Variants in SRRM4 observed in about 807,000 individuals in gnomAD.
SRRM4 encodes the protein serine/arginine repetitive matrix protein 4.
SRRM4 carries 33 observed loss-of-function variants against 68.9 expected under a neutral mutation model. The ratio of observed to expected loss-of-function variants is 0.48; its 90% CI spans 0.36 to 0.64. SRRM4 has a LOEUF of 0.64. Among genes scored for constraint, SRRM4 ranks in the 30% least tolerant of loss-of-function variants. The pLI is 0.00. For missense variants in SRRM4, 817 were observed against 827.1 expected, an observed-to-expected ratio of 0.99 and a Z score of 0.15; for synonymous variants, 318 against 318.8, an observed-to-expected ratio of 1.00 and a Z score of 0.03.
chr12:119,147,242 A>G (rs768736615), intron 9 of SRRM4, among the ~76,000 whole-genome samples: 8 of 152,206 alleles, frequency 5.3e-5, no homozygotes, highest in African/African-American at 1.7e-4. Context: ...CTCCAACTGT[A>G]TGACATTCTG....
chr12:119,081,016 A>C (rs964254065), intron 1 of SRRM4, among the ~76,000 whole-genome samples: 3 of 152,194 alleles, frequency 2.0e-5, no homozygotes, highest in African/African-American at 7.2e-5. Flanking sequence ...TCATAGAAGG[A>C]ATTTGGAATC....
chr12:119,044,268 T>C (rs1289722196), intron 1 of SRRM4, among the ~76,000 whole-genome samples: 1 of 152,324 alleles, frequency 6.6e-6, no homozygotes, highest in East Asian at 1.9e-4. Context: ...TGCTAGTCCC[T>C]CCCCAAGCCT....
chr12:119,140,793 A>AG (rs1307837486), intron 8 of SRRM4, among the ~76,000 whole-genome samples: 13 of 152,240 alleles, frequency 8.5e-5, no homozygotes, highest in Admixed American at 2.6e-4. Flanking sequence ...GCTTTCTCCC[A>AG]GGGTCCTCGG....
At chr12:118,999,197 A>G (rs1009411985) in intron 1 of SRRM4, among the ~76,000 whole-genome samples, 1 of 152,274 alleles carries the variant, frequency 6.6e-6, no homozygotes, top group Non-Finnish European at 1.5e-5. Context: ...GGCACATTTC[A>G]TGGTACCATC....
chr12:119,093,763 A>G (rs1042902131), intron 1 of SRRM4, among the ~76,000 whole-genome samples: 6 of 152,178 alleles, frequency 3.9e-5, no homozygotes, highest in Non-Finnish European at 7.3e-5. Flanking sequence ...GTGGAAAACT[A>G]TGACATTTTG....
At chr12:119,106,674 T>C (rs182373252) in intron 2 of SRRM4, among the ~76,000 whole-genome samples, 1 of 152,356 alleles carries the variant, frequency 6.6e-6, no homozygotes, top group African/African-American at 2.4e-5. Context: ...CCCGAGACTT[T>C]GCTAAAGTTG....
In SRRM4 at chr12:119,125,444, G is replaced by A. The variant is rs374628466; in HGVS notation, c.579G>A (p.Gln193=). 6.2e-7 allele frequency: 1 copy of A among 1,613,008 alleles called. No homozygotes were observed. The highest frequency in any genetic ancestry group is 8.5e-7 in the Non-Finnish European group (1 of 1,179,656). Residue 193 remains glutamine, a synonymous_variant, in exon 7 of 13, where the codon CAG becomes CAA. Transcript: ENST00000267260. ...HRHHRCPSRS[Q]SSESRPSSCE... ...ATCACCGCTGCCCCTCGCGGTCCCA[G>A]AGCTCGGAGTCCCGCCCCTCAAGCT... is the stretch of plus-strand genomic sequence containing the variant.
At chr12:119,077,741 C>T (rs1056113127) in intron 1 of SRRM4, among the ~76,000 whole-genome samples, 7 of 152,154 alleles carry the variant, frequency 4.6e-5, no homozygotes, top group African/African-American at 1.7e-4. Flanking sequence ...TCTTAGTACC[C>T]TATCTGGCAC....
intron 8 of SRRM4, among the ~76,000 whole-genome samples, chr12:119,133,984 A>T (rs1954312754): frequency 6.6e-6 from 1 of 152,154 alleles, no homozygotes; most frequent in Non-Finnish European, 1.5e-5. Context: ...TTACCTGAAA[A>T]GCTAAGGGTG....
rs536485822 is a variant in SRRM4 at position 118,984,664 on chromosome 12, T to C, written c.131+2651T>C. ...TTGATTTCATAGCAATATGCATACA[T>C]CATGCAACTGCAATCTAAGCAACCC... On this transcript the variant is annotated intron_variant, in intron 1 of 12. Transcript: ENST00000267260. Among the ~76,000 whole-genome samples, 6 of 152,338 alleles carry C rather than the reference T, an allele frequency of 3.9e-5. No homozygotes were observed. The South Asian group carries it at 1.2e-3, about 32-fold the overall frequency.
In SRRM4 at chr12:119,154,391, C is replaced by T; in HGVS notation, c.1532+8C>T. 6.2e-7 allele frequency: 1 copy of T among 1,612,314 alleles called. No individual in the cohort carries two copies. Among genetic ancestry groups the T allele is most frequent in the Non-Finnish European group, 8.5e-7 (1 of 1,179,526 alleles). On this transcript the variant is annotated splice_region_variant and intron_variant, in intron 12 of 12. Coordinates refer to ENST00000267260, the MANE Select transcript of SRRM4 (RefSeq NM_194286.4). This position sits in a 1 kb window ranked among gnomAD's most constrained non-coding sequence, Gnocchi z 4.7. ...GGCCCGGAGGATAACCAGGTGAGGC[C>T]AGGGGGCAAGGGGGACCCACCTTCA...
At chr12:118,990,465 C>T (rs1352272145) in intron 1 of SRRM4, among the ~76,000 whole-genome samples, 1 of 152,168 alleles carries the variant, frequency 6.6e-6, no homozygotes, top group African/African-American at 2.4e-5. Flanking sequence ...TCAGTGTGCC[C>T]ATGATCACAC....
chr12:119,120,424 G>T, intron 5 of SRRM4, 148 bp downstream of exon 5: 4 of 872,422 alleles, frequency 4.6e-6, no homozygotes, highest in Non-Finnish European at 6.9e-6. Context: ...CAAAATGAAG[G>T]TCTGGGCTGT....
intron 1 of SRRM4, among the ~76,000 whole-genome samples, chr12:119,023,837 G>A (rs1032824036): frequency 6.6e-6 from 1 of 152,038 alleles, no homozygotes; most frequent in Admixed American, 6.6e-5. Flanking sequence ...TATAATAGGT[G>A]CTCAATACGT....
At chr12:119,010,981 T>C (rs1953445418) in intron 1 of SRRM4, among the ~76,000 whole-genome samples, 1 of 152,174 alleles carries the variant, frequency 6.6e-6, no homozygotes, top group African/African-American at 2.4e-5. Flanking sequence ...AAAGCATCTA[T>C]CTATGTATAC....
chr12:119,131,330 C>T (rs987647712), intron 8 of SRRM4, among the ~76,000 whole-genome samples: 2 of 152,098 alleles, frequency 1.3e-5, no homozygotes, highest in Non-Finnish European at 2.9e-5. Context: ...GAATTTTCTT[C>T]CAAGGAGGTC....
intron 1 of SRRM4, among the ~76,000 whole-genome samples, chr12:119,079,883 T>C (rs1953937634): frequency 1.8e-5 from 1 of 56,622 alleles, no homozygotes; most frequent in South Asian, 4.4e-4. Context: ...AAATGAAATA[T>C]TCTGAAGTTT....
chr12:119,134,799 T>C (rs1383644947), intron 8 of SRRM4, among the ~76,000 whole-genome samples: 2 of 152,328 alleles, frequency 1.3e-5, no homozygotes, highest in Non-Finnish European at 2.9e-5. Flanking sequence ...CAGTGTGTAA[T>C]GGAAGCACAG....
chr12:119,130,207 G>T (rs949053791), intron 7 of SRRM4, among the ~76,000 whole-genome samples: 1 of 142,294 alleles, frequency 7.0e-6, no homozygotes, highest in Non-Finnish European at 1.6e-5. Flanking sequence ...TGGTTGCTTA[G>T]ACAGATAGAT....
Sources: allele counts gnomAD v4.1 joint callset (sites outside exome capture counted in the v4.1 genomes callset), GRCh38; gene constraint gnomAD v4.1.1; non-coding constraint Gnocchi (gnomAD v3.1); transcripts MANE v1.5; gene names NCBI Gene and HGNC (gene_info 2026-07-23, HGNC 2026-07-21).